TLE5: variants seen among roughly 807,000 people sequenced by gnomAD.
The protein encoded by TLE5 is TLE family member 5.
TLE5 carries 7 observed loss-of-function variants against 25.8 expected under a neutral mutation model. That is an observed-to-expected ratio of 0.27 (90% confidence interval 0.15 to 0.51). TLE5 has a LOEUF of 0.51. Among genes scored for constraint, TLE5 ranks in the 20% least tolerant of loss-of-function variants. The pLI is 0.97. For missense variants in TLE5, 149 were observed against 250.7 expected (o/e 0.59, Z 2.74); for synonymous variants, 132 against 110.5 (o/e 1.20, Z -1.22).
intron 5 of TLE5, 188 bp from the exon 6 acceptor site, chr19:3,054,382 G>T (rs1023298033): frequency 3.0e-5 from 18 of 607,312 alleles, no homozygotes; most frequent in Non-Finnish European, 5.3e-5. Context: ...CACCAAGCTC[G>T]TCTCTTCGTC....
In TLE5 at chr19:3,056,431, G is replaced by A. The variant is rs564114196; in HGVS notation, c.190-75C>T. 660 of 638,368 alleles carry A rather than the reference G, an allele frequency of 1.0e-3. 29 individuals are homozygous for A. In the South Asian group the frequency reaches 0.011, roughly 11 times the overall value. 39.5% of individuals were successfully genotyped at this position (638,368 alleles called of 1,614,324 possible). A position where few individuals can be genotyped will look rare whatever the true frequency, so the allele number is the denominator to read the frequency against. Reference sequence around the variant, plus strand: ...GGGGGGACACGGAGACAAAGAGATAGGGGAGTGGCAGAGACAGACAAAGGG... The same window carrying A: ...GGGGGGACACGGAGACAAAGAGATAAGGGAGTGGCAGAGACAGACAAAGGG... On this transcript the variant is annotated intron_variant, in intron 3 of 6. Transcript: ENST00000327141.
intron 2 of TLE5, 100 bp downstream of exon 2, chr19:3,061,060 T>C (rs1568266432): frequency 2.3e-6 from 2 of 858,950 alleles, no homozygotes; most frequent in Non-Finnish European, 3.9e-6. Context: ...CTAGCATATA[T>C]TATTTTCCCA....
intron 3 of TLE5, chr19:3,057,357 C>A (rs921359798): frequency 5.3e-6 from 2 of 376,188 alleles, no homozygotes; most frequent in East Asian, 1.1e-4. Context: ...GCTGCTCCCC[C>A]ACGTCAGTTC....
chr19:3,056,567 C>T, intron 3 of TLE5: 1 of 653,990 alleles, frequency 1.5e-6, no homozygotes, highest in South Asian at 1.6e-5. Context: ...TGGAGAGGGG[C>T]AGGGGGCCGC....
chr19:3,055,605 C>T, intron 5 of TLE5, 59 bp downstream of exon 5: 1 of 1,483,046 alleles, frequency 6.7e-7, no homozygotes, highest in Non-Finnish European at 9.1e-7. Context: ...CTGCAGTGGA[C>T]AGGGGCTGGG....
intron 1 of TLE5, among the ~76,000 whole-genome samples, chr19:3,061,589 G>A (rs995810331): frequency 6.6e-6 from 1 of 151,778 alleles, no homozygotes; most frequent in Non-Finnish European, 1.5e-5. Context: ...TCCGAGGGGG[G>A]TAGAAACGCG....
At chr19:3,057,984 T>G (rs1373079747) in intron 2 of TLE5, among the ~76,000 whole-genome samples, 1 of 151,846 alleles carries the variant, frequency 6.6e-6, no homozygotes, top group African/African-American at 2.4e-5. Context: ...CCTCCCAAAG[T>G]GCTTGGGGTT....
At chr19:3,061,403 C>G (rs1393381304) in intron 1 of TLE5, 146 bp from the exon 2 acceptor site, 1 of 513,990 alleles carries the variant, frequency 1.9e-6, no homozygotes, top group African/African-American at 2.1e-5. Flanking sequence ...TGGCGCGACC[C>G]CACCCGCGCT....
At chr19:3,062,936 C>T (rs1000353466), upstream of TLE5, 16 of 927,198 alleles carry the variant, frequency 1.7e-5, no homozygotes, top group African/African-American at 4.9e-5. Context: ...ATTTATAGAA[C>T]GCCTACTGTG....
At chr19:3,054,357 C>G (rs1298779742) in intron 5 of TLE5, 163 bp from the exon 6 acceptor site, 1 of 632,924 alleles carries the variant, frequency 1.6e-6, no homozygotes, top group Non-Finnish European at 2.8e-6. Flanking sequence ...CTCCCTCTCT[C>G]CAACTGCTTC....
At chr19:3,058,460 T>A (rs1453426158) in intron 2 of TLE5, among the ~76,000 whole-genome samples, 1 of 151,914 alleles carries the variant, frequency 6.6e-6, no homozygotes, top group Admixed American at 6.6e-5. Context: ...GCTGAGAGGG[T>A]CTGGGGCTGC....
At chr19:3,055,858 G>T in intron 4 of TLE5, 132 bp from the exon 5 acceptor site, 1 of 1,002,662 alleles carries the variant, frequency 1.0e-6, no homozygotes. Flanking sequence ...TCTGGCCAGG[G>T]TGGGATGAGC....
intron 4 of TLE5, 125 bp downstream of exon 4, chr19:3,056,187 G>T (rs1445008430): frequency 3.1e-5 from 19 of 615,370 alleles, no homozygotes; most frequent in Non-Finnish European, 2.8e-6. Flanking sequence ...CAGGATAACC[G>T]GGCTGGCTTG....
intron 1 of TLE5, 99 bp from the exon 2 acceptor site, chr19:3,061,356 C>G (rs112386926): frequency 8.0e-6 from 7 of 869,618 alleles, no homozygotes; most frequent in Admixed American, 6.2e-5. Flanking sequence ...GGCGCCCCCC[C>G]TCCTGCCCCA....
intron 3 of TLE5, 129 bp downstream of exon 3, chr19:3,057,550 C>A (rs777913658): frequency 4.6e-6 from 4 of 865,154 alleles, no homozygotes; most frequent in South Asian, 1.5e-5. Context: ...GAATGGAGAA[C>A]AGGCCCCGAT....
rs185833960 is a variant in TLE5, at chr19:3,059,632, C to T, written c.125+1528G>A. ...CAGGGGCTGTTACGCCTCGAACATC[C>T]GGTGTGTGCCTCTGATATGGTAGGG... On this transcript the variant is annotated intron_variant, in intron 2 of 6. Coordinates refer to ENST00000327141, the MANE Select transcript of TLE5 (RefSeq NM_001130.6). Among the ~76,000 whole-genome samples the T allele has an allele frequency of 2.8e-4, 43 of 152,296 alleles. 1 individual carries two copies. The South Asian group carries it at 5.2e-3, about 18-fold the overall frequency.
chr19:3,053,441 G>A lies in TLE5; in HGVS notation c.*378C>T. 3.7e-6 allele frequency: 1 copy of A among 270,948 alleles called. No homozygotes were observed. The highest frequency in any genetic ancestry group is 7.1e-6 in the Non-Finnish European group (1 of 140,970). The allele number at this position is 270,948 out of a possible 1,614,324, so 16.8% of individuals were successfully genotyped here. On this transcript the variant is annotated 3_prime_UTR_variant, in exon 7 of 7. Transcript: ENST00000327141. ...CGTGCATGCAGTACCAGGGTGAGAG[G>A]GCTGTGGCCCAGGCAGACTGTCGGT...
At chr19:3,056,089 C>G (rs1220627332) in intron 4 of TLE5, 3 of 531,802 alleles carry the variant, frequency 5.6e-6, no homozygotes, top group Non-Finnish European at 9.9e-6. Context: ...CCCTCCCCAC[C>G]ACCGGGAGAA....
chr19:3,058,314 C>T (rs1482280493), intron 2 of TLE5, among the ~76,000 whole-genome samples: 21 of 152,268 alleles, frequency 1.4e-4, no homozygotes. Flanking sequence ...ACGTCATTGT[C>T]ACGCTCCTTT....
Sources: allele counts gnomAD v4.1 joint callset (sites outside exome capture counted in the v4.1 genomes callset), GRCh38; gene constraint gnomAD v4.1.1; transcripts MANE v1.5; gene names NCBI Gene and HGNC (gene_info 2026-07-23, HGNC 2026-07-21).